The following PCDHGA4 variants were observed in gnomAD, a reference collection of about 807,000 sequenced individuals.
PCDHGA4 encodes protocadherin gamma-A4.
PCDHGA4 carries 38 observed loss-of-function variants against 54.6 expected under a neutral mutation model. That is an observed-to-expected ratio of 0.70 (90% CI 0.54 to 0.91). The LOEUF (loss-of-function observed/expected upper bound fraction) is 0.91, where lower values mean the gene tolerates loss of function less well. Among genes scored for constraint, PCDHGA4 ranks in the 40% least tolerant of loss-of-function variants. PCDHGA4 has a pLI of 0.00. For synonymous variants in PCDHGA4, 511 were observed against 512.9 expected, an observed-to-expected ratio of 1.00 and a Z score of 0.05; for missense variants, 1,298 against 1,220.9, an observed-to-expected ratio of 1.06 and a Z score of -0.94.
intron 1 of PCDHGA4, among the ~76,000 whole-genome samples, chr5:141,453,823 G>A (rs2154564414): frequency 6.6e-6 from 1 of 152,250 alleles, no homozygotes; most frequent in South Asian, 2.1e-4. Flanking sequence ...GACAAACTTG[G>A]CTGCTAGCCC....
At chr5:141,449,796 A>G (rs1358409274) in intron 1 of PCDHGA4, among the ~76,000 whole-genome samples, 2 of 151,590 alleles carry the variant, frequency 1.3e-5, no homozygotes, top group Admixed American at 6.6e-5. Context: ...TTATTCCTAA[A>G]TACCTCATTG....
chr5:141,441,310 C>T (rs2098239133), intron 1 of PCDHGA4: 1 of 152,154 alleles, frequency 6.6e-6, no homozygotes, highest in Non-Finnish European at 1.5e-5. Context: ...AGAAAATGCA[C>T]CTTGAGAAAA....
At chr5:141,370,974 C>G in intron 1 of PCDHGA4, 3 of 1,613,996 alleles carry the variant, frequency 1.9e-6, no homozygotes, top group Non-Finnish European at 2.5e-6. Context: ...GTACCCAGAG[C>G]TAGTACTGAA....
At chr5:141,421,828 C>T in intron 1 of PCDHGA4, 1 of 1,613,796 alleles carries the variant, frequency 6.2e-7, no homozygotes, top group Non-Finnish European at 8.5e-7. Context: ...GGAGGGAAGC[C>T]TGGACCGAGA....
At chr5:141,376,085 A>T (rs777795289) in intron 1 of PCDHGA4, 1 of 1,613,530 alleles carries the variant, frequency 6.2e-7, no homozygotes. Flanking sequence ...GGCCGACAGG[A>T]TCCCCGACAT....
chr5:141,393,615 G>A (rs1168568292), intron 1 of PCDHGA4: 1 of 1,613,928 alleles, frequency 6.2e-7, no homozygotes, highest in South Asian at 1.1e-5. Context: ...AACAGCCAGC[G>A]ACCCGGATGA....
intron 1 of PCDHGA4, chr5:141,414,597 C>G: frequency 6.2e-7 from 1 of 1,613,972 alleles, no homozygotes; most frequent in South Asian, 1.1e-5. Context: ...GGGGTGCCTC[C>G]ATCTTCTCAG....
At chr5:141,380,666 A>G (rs1338427097) in intron 1 of PCDHGA4, among the ~76,000 whole-genome samples, 1 of 152,250 alleles carries the variant, frequency 6.6e-6, no homozygotes, top group African/African-American at 2.4e-5. Flanking sequence ...CATTTACTCC[A>G]TAGGGTATGT....
At chr5:141,398,483 T>A (rs754131866) in intron 1 of PCDHGA4, 1 of 1,608,486 alleles carries the variant, frequency 6.2e-7, no homozygotes, top group Non-Finnish European at 8.5e-7. Flanking sequence ...TTTTATCACG[T>A]GAATGTGGAG....
At chr5:141,399,816 G>T (rs1399321740) in intron 1 of PCDHGA4, 1 of 1,613,196 alleles carries the variant, frequency 6.2e-7, no homozygotes, top group Non-Finnish European at 8.5e-7. Flanking sequence ...ACCCCGCGCT[G>T]GGTCCCGACG....
At position 141,431,270 on chromosome 5, in the gene PCDHGA4, G is replaced by C. The variant is rs369177310; in HGVS notation, c.2515-63537G>C. 1.2e-5 allele frequency: 19 copies of C among 1,613,996 alleles called. No homozygotes were observed. Among genetic ancestry groups the C allele is most frequent in the Non-Finnish European group, 1.5e-5 (18 of 1,180,018 alleles). ...CGGGAAGAACTCTCTGCAGAGCTAC[G>C]AGCTCAGCCCGAACACTCACTTCTC... is the stretch of plus-strand genomic sequence containing the variant. On this transcript the variant is annotated intron_variant, in intron 1 of 3. Coordinates refer to ENST00000571252, the MANE Select transcript of PCDHGA4 (RefSeq NM_018917.4). This position sits in a 1 kb window ranked among gnomAD's most constrained non-coding sequence, Gnocchi z 4.8.
chr5:141,382,603 T>C, intron 1 of PCDHGA4: 1 of 269,778 alleles, frequency 3.7e-6, no homozygotes, highest in Non-Finnish European at 6.9e-6. Flanking sequence ...AACAATTTTC[T>C]ATGAAATCAG....
At chr5:141,383,476 G>T (rs983488072) in intron 1 of PCDHGA4, 1 of 1,613,748 alleles carries the variant, frequency 6.2e-7, no homozygotes, top group South Asian at 1.1e-5. Context: ...TAAGTACCCG[G>T]AACTGGTGCT....
Position 141,485,814 on chromosome 5 carries a change from C to T in PCDHGA4, c.2515-8993C>T, listed in dbSNP as rs2099619616. 7.4e-6 allele frequency: 12 copies of T among 1,613,982 alleles called. No individual in the cohort carries two copies. The East Asian group carries it at 2.2e-4, about 30-fold the overall frequency. On this transcript the variant is annotated intron_variant, in intron 1 of 3. Coordinates refer to ENST00000571252, the MANE Select transcript of PCDHGA4 (RefSeq NM_018917.4). This position sits in a 1 kb window ranked among gnomAD's most constrained non-coding sequence, Gnocchi z 5.7. ...TCGGACTACCGCCTGGTGCTGACTG[C>T]TGTCGATGGAGGGAACCCGCCGAGA...
intron 2 of PCDHGA4, among the ~76,000 whole-genome samples, chr5:141,496,775 GCAGGGCC>G (rs1025427712): frequency 6.6e-6 from 1 of 152,038 alleles, no homozygotes; most frequent in Non-Finnish European, 1.5e-5. Flanking sequence ...TCTACTATGA[GCAGGGCC>G]CTGTGCTAAA....
chr5:141,428,513 AAAG>A (rs891793310), intron 1 of PCDHGA4: 2 of 280,938 alleles, frequency 7.1e-6, no homozygotes, highest in Non-Finnish European at 1.4e-5. Context: ...GATTCTAGAA[AAAG>A]AAGATTTAAT....
chr5:141,420,804 G>C (rs1283868316), intron 1 of PCDHGA4, among the ~76,000 whole-genome samples: 1 of 152,188 alleles, frequency 6.6e-6, no homozygotes, highest in Non-Finnish European at 1.5e-5. Context: ...TAAAAATTAA[G>C]CAAGCCCTTT....
intron 1 of PCDHGA4, among the ~76,000 whole-genome samples, chr5:141,438,587 CATACATAT>C (rs1166583123): frequency 1.2e-4 from 9 of 73,430 alleles, no homozygotes; most frequent in Non-Finnish European, 1.6e-4. Flanking sequence ...TACATACATA[CATACATAT>C]ATATATATAT....
chr5:141,455,876 TTTA>T (rs1271603055), intron 1 of PCDHGA4, among the ~76,000 whole-genome samples: 2 of 146,624 alleles, frequency 1.4e-5, no homozygotes, highest in Non-Finnish European at 1.5e-5. Context: ...TATTTATTTA[TTTA>T]TTTATTTATT....
Sources: allele counts gnomAD v4.1 joint callset (sites outside exome capture counted in the v4.1 genomes callset), GRCh38; gene constraint gnomAD v4.1.1; non-coding constraint Gnocchi (gnomAD v3.1); transcripts MANE v1.5; gene names NCBI Gene and HGNC (gene_info 2026-07-23, HGNC 2026-07-21).